Variants in GRAMD1B observed in about 807,000 individuals in gnomAD.
GRAMD1B encodes the protein protein Aster-B.
GRAMD1B carries 37 observed loss-of-function variants against 99.7 expected under a neutral mutation model. The ratio of observed to expected loss-of-function variants is 0.37; its 90% CI spans 0.29 to 0.49. The LOEUF is 0.49. Ranked by LOEUF, GRAMD1B falls within the 20% of genes least tolerant of loss-of-function variation. GRAMD1B has a pLI of 0.98. For missense variants in GRAMD1B, 888 were observed against 1,009.2 expected (o/e 0.88, Z 1.63); for synonymous variants, 427 against 387.6 (o/e 1.10, Z -1.19).
intron 2 of GRAMD1B, among the ~76,000 whole-genome samples, chr11:123,487,989 T>G (rs959982051): frequency 6.6e-6 from 1 of 152,198 alleles, no homozygotes; most frequent in Non-Finnish European, 1.5e-5. Context: ...CTGGGTGTCT[T>G]GTACATCACA....
intron 2 of GRAMD1B, among the ~76,000 whole-genome samples, chr11:123,498,267 G>A (rs773079989): frequency 1.3e-5 from 2 of 152,168 alleles, no homozygotes; most frequent in Non-Finnish European, 2.9e-5. Flanking sequence ...AAGACAGAGT[G>A]CCCTTTACTT....
At chr11:123,428,307 C>T (rs1200798093), upstream of GRAMD1B, among the ~76,000 whole-genome samples, 1 of 152,214 alleles carries the variant, frequency 6.6e-6, no homozygotes, top group African/African-American at 2.4e-5. Context: ...AGTTACAGTG[C>T]AATCTCCTCA....
At chr11:123,372,444 C>A (rs57596880) in intron 1 of GRAMD1B, among the ~76,000 whole-genome samples, 1 of 152,074 alleles carries the variant, frequency 6.6e-6, no homozygotes, top group African/African-American at 2.4e-5. Context: ...AGGTTTGGGA[C>A]TAGCACCCCC....
At chr11:123,577,837 G>A (rs1321254159) in intron 3 of GRAMD1B, among the ~76,000 whole-genome samples, 1 of 151,802 alleles carries the variant, frequency 6.6e-6, no homozygotes, top group Non-Finnish European at 1.5e-5. Flanking sequence ...GAGGGGAGAC[G>A]CTCTGGGAAT....
chr11:123,437,891 C>T (rs1419608376), intron 1 of GRAMD1B, among the ~76,000 whole-genome samples: 1 of 152,208 alleles, frequency 6.6e-6, no homozygotes, highest in East Asian at 1.9e-4. Flanking sequence ...TGCTCTCCCC[C>T]TCAGCCCCCG....
rs147283158 is a variant in GRAMD1B, at chr11:123,588,184, A to C, written c.684+3852A>C. ...ACTGGTTTCTTCCTAGCTGAGATCAATGCCCCACCGAAATCCATCTGTTTT... is the reference window on the plus strand; with the variant it reads ...ACTGGTTTCTTCCTAGCTGAGATCACTGCCCCACCGAAATCCATCTGTTTT... On this transcript the variant is annotated intron_variant, in intron 4 of 19. Coordinates refer to ENST00000635736, the MANE Select transcript of GRAMD1B (RefSeq NM_001387025.1). 4.1e-3 allele frequency among the ~76,000 whole-genome samples: 620 copies of C among 152,170 alleles called. 5 individuals are homozygous for C. The highest frequency in any genetic ancestry group is 0.014 in the African/African-American group (587 of 41,512).
At chr11:123,557,100 T>C (rs1169956551) in intron 2 of GRAMD1B, among the ~76,000 whole-genome samples, 1 of 152,250 alleles carries the variant, frequency 6.6e-6, no homozygotes, top group Non-Finnish European at 1.5e-5. Context: ...TTTTGTCATC[T>C]GAGAAATGGG....
At chr11:123,386,046 T>G (rs1267485221) in intron 1 of GRAMD1B, among the ~76,000 whole-genome samples, 5 of 152,190 alleles carry the variant, frequency 3.3e-5, no homozygotes, top group African/African-American at 1.2e-4. Context: ...GGCTTGGAAG[T>G]TTGACAGATT....
intron 2 of GRAMD1B, among the ~76,000 whole-genome samples, chr11:123,485,704 A>T (rs1937654003): frequency 6.7e-6 from 1 of 150,074 alleles, no homozygotes; most frequent in African/African-American, 2.4e-5. Flanking sequence ...AATATAGGAC[A>T]TTAATTCATT....
At chr11:123,431,191 C>T (rs748276584) in intron 1 of GRAMD1B, 25 bp downstream of exon 1, 12 of 684,768 alleles carry the variant, frequency 1.8e-5, no homozygotes, top group Non-Finnish European at 2.9e-5. Flanking sequence ...CGCCCGTCTC[C>T]TTCCCTTCCC....
At chr11:123,416,618 G>T (rs1948240448) in intron 1 of GRAMD1B, among the ~76,000 whole-genome samples, 4 of 152,202 alleles carry the variant, frequency 2.6e-5, no homozygotes, top group Admixed American at 2.6e-4. Flanking sequence ...AATGCAGCCT[G>T]TGTGGCACTG....
intron 2 of GRAMD1B, among the ~76,000 whole-genome samples, chr11:123,565,755 C>T (rs1254847158): frequency 6.6e-6 from 1 of 152,192 alleles, no homozygotes; most frequent in Non-Finnish European, 1.5e-5. Flanking sequence ...CTATGCGCTC[C>T]TTCCAAACTA....
intron 15 of GRAMD1B, 48 bp downstream of exon 15, chr11:123,612,912 C>G: frequency 9.4e-7 from 1 of 1,068,438 alleles, no homozygotes; most frequent in Non-Finnish European, 1.4e-6. Flanking sequence ...AGATGGTAAA[C>G]TGCACTGCGG....
intron 6 of GRAMD1B, among the ~76,000 whole-genome samples, chr11:123,595,405 T>G (rs1215352448): frequency 1.3e-5 from 2 of 152,122 alleles, no homozygotes; most frequent in African/African-American, 2.4e-5. Flanking sequence ...GCGATTCTCC[T>G]GCCTCAGCCT....
chr11:123,509,423 G>A (rs1447463890), intron 2 of GRAMD1B, among the ~76,000 whole-genome samples: 1 of 152,168 alleles, frequency 6.6e-6, no homozygotes, highest in Non-Finnish European at 1.5e-5. Flanking sequence ...GGACATGGGT[G>A]TTTTTCCATA....
chr11:123,470,576 C>T (rs137924043), intron 1 of GRAMD1B, among the ~76,000 whole-genome samples: 1,500 of 147,238 alleles, frequency 0.01, 18 homozygotes, highest in African/African-American at 0.035. Flanking sequence ...TGCAGTGGCA[C>T]GATCTCGGCT....
rs571172925 is a variant in GRAMD1B at position 123,497,477 on chromosome 11, C to T, written c.452+16584C>T. On this transcript the variant is annotated intron_variant, in intron 2 of 19. Coordinates refer to ENST00000635736, the MANE Select transcript of GRAMD1B (RefSeq NM_001387025.1). ...CTCTACAATCAGCTGGTGACAAAGC[C>T]AGCCAGGTTTATGGCCCTCCCTTCA... Among the ~76,000 whole-genome samples the T allele has an allele frequency of 5.3e-5, 8 of 152,320 alleles. No individual in the cohort carries two copies. The East Asian group carries it at 5.8e-4, about 11-fold the overall frequency.
chr11:123,603,637 G>A, intron 9 of GRAMD1B, 96 bp downstream of exon 9: 1 of 759,902 alleles, frequency 1.3e-6, no homozygotes, highest in Non-Finnish European at 2.3e-6. Context: ...TGCCTGTGCA[G>A]CCATGGAATG....
At chr11:123,472,454 C>T (rs1425388129) in intron 1 of GRAMD1B, among the ~76,000 whole-genome samples, 1 of 152,022 alleles carries the variant, frequency 6.6e-6, no homozygotes, top group Non-Finnish European at 1.5e-5. Flanking sequence ...GGTGAAGCAG[C>T]GTTGTTGTCT....
Sources: gnomAD v4.1 joint callset for allele counts (sites outside exome capture counted in the v4.1 genomes callset) on GRCh38, gnomAD v4.1.1 for gene constraint, MANE v1.5 for transcripts, NCBI Gene and HGNC (gene_info 2026-07-23, HGNC 2026-07-21) for gene names.